TDRD9: variants seen among roughly 807,000 people sequenced by gnomAD.
The protein encoded by TDRD9 is tudor domain containing 9.
A neutral mutation model predicts 172.6 loss-of-function variants in TDRD9; 124 were observed. That is an observed-to-expected ratio of 0.72 (90% CI 0.62 to 0.83). The LOEUF is 0.83. Among genes scored for constraint, TDRD9 ranks in the 40% least tolerant of loss-of-function variants. The pLI, the probability that TDRD9 is intolerant of heterozygous loss-of-function variation, is 0.00. For missense variants in TDRD9, 1,479 were observed against 1,714.1 expected, an observed-to-expected ratio of 0.86 and a Z score of 2.42; for synonymous variants, 619 against 617.1, an observed-to-expected ratio of 1.00 and a Z score of -0.05.
chr14:104,029,836 G>C (rs1207571741), intron 28 of TDRD9, among the ~76,000 whole-genome samples: 2 of 152,112 alleles, frequency 1.3e-5, no homozygotes, highest in Non-Finnish European at 2.9e-5. Flanking sequence ...TTCTTGCGTT[G>C]AGATATGTTC....
chr14:104,046,930 G>A (rs2035798425), intron 34 of TDRD9, among the ~76,000 whole-genome samples: 1 of 152,202 alleles, frequency 6.6e-6, no homozygotes, highest in Non-Finnish European at 1.5e-5. Flanking sequence ...ACAGGCGTGA[G>A]CCACCGCACC....
chr14:103,956,102 AAAAAAAAAAATAT>A (rs2032194258), intron 2 of TDRD9, among the ~76,000 whole-genome samples: 2 of 57,270 alleles, frequency 3.5e-5, no homozygotes, highest in Non-Finnish European at 6.2e-5. Context: ...AAAAAAAAAA[AAAAAAAAAAATAT>A]ATATATATAT....
intron 1 of TDRD9, among the ~76,000 whole-genome samples, chr14:103,934,693 A>G (rs1386186816): frequency 6.6e-6 from 1 of 152,178 alleles, no homozygotes; most frequent in East Asian, 1.9e-4. Flanking sequence ...GAGGCAGGAG[A>G]ATGGTGTGAA....
intron 23 of TDRD9, 93 bp downstream of exon 23, chr14:104,018,285 G>GA (rs1181367351): frequency 2.5e-6 from 2 of 788,808 alleles, no homozygotes; most frequent in Non-Finnish European, 4.1e-6. Flanking sequence ...AGTGCCCATG[G>GA]AAATGGGTCC....
chr14:103,936,300 C>T (rs1462882684), intron 1 of TDRD9, among the ~76,000 whole-genome samples: 1 of 152,272 alleles, frequency 6.6e-6, no homozygotes, highest in Admixed American at 6.5e-5. Flanking sequence ...CTATGTTACC[C>T]AGGCTGGTCT....
At chr14:104,020,406 GA>G (rs778978981) in intron 23 of TDRD9, among the ~76,000 whole-genome samples, 22 of 152,192 alleles carry the variant, frequency 1.4e-4, no homozygotes, top group Non-Finnish European at 2.8e-4. Context: ...GGGGGGCAAA[GA>G]AGTGAGAGGA....
In TDRD9 at chr14:104,049,678, C is replaced by T. The variant is rs1000239509; in HGVS notation, c.4045C>T (p.Gln1349Ter). ...KWHEKPYEWN[Q>*]VDPKLVMEQA... ...GCATGAAAAGCCCTACGAGTGGAAT[C>T]AGGTGAGTGGGACGCAGGCTGCTAC... The change falls in exon 35 of 36, where the codon CAG (glutamine) becomes TAG (stop). Residue 1349 changes from glutamine (Q) to a stop codon, truncating the protein, a stop_gained and splice_region_variant. Coordinates refer to ENST00000409874, the MANE Select transcript of TDRD9 (RefSeq NM_153046.3). LOFTEE classifies it high-confidence loss of function. 4.4e-6 allele frequency: 7 copies of T among 1,581,532 alleles called. No individual in the cohort carries two copies. Among genetic ancestry groups the T allele is most frequent in the Non-Finnish European group, 6.0e-6 (7 of 1,163,978 alleles).
At chr14:104,049,484 T>C in intron 34 of TDRD9, 124 bp from the exon 35 acceptor site, 1 of 723,974 alleles carries the variant, frequency 1.4e-6, no homozygotes, top group Non-Finnish European at 2.2e-6. Context: ...TGTTGACCTT[T>C]AAACAGTTTA....
At chr14:104,007,114 A>AGT (rs1290946067) in intron 18 of TDRD9, 46 bp from the exon 19 acceptor site, 1 of 1,555,302 alleles carries the variant, frequency 6.4e-7, no homozygotes, top group Non-Finnish European at 8.7e-7. Context: ...AAAAAAATTC[A>AGT]GTGAGCCAAC....
chr14:103,953,805 C>T (rs1187999596), intron 1 of TDRD9, among the ~76,000 whole-genome samples: 1 of 152,104 alleles, frequency 6.6e-6, no homozygotes, highest in African/African-American at 2.4e-5. Context: ...AGAGTATTTA[C>T]CCTTCCTTAT....
chr14:104,012,497 G>A (rs959295506), intron 20 of TDRD9, among the ~76,000 whole-genome samples: 1 of 148,610 alleles, frequency 6.7e-6, no homozygotes, highest in African/African-American at 2.5e-5. Context: ...GAGTAGGTGT[G>A]GGATTCTAAA....
chr14:103,975,604 A>T (rs1392772113), intron 7 of TDRD9, 51 bp downstream of exon 7: 4 of 1,514,026 alleles, frequency 2.6e-6, no homozygotes, highest in Non-Finnish European at 3.6e-6. Context: ...CTTGTATTGG[A>T]TCAAACCTGC....
chr14:104,000,702 T>C (rs1453257551), intron 13 of TDRD9, among the ~76,000 whole-genome samples: 2 of 152,138 alleles, frequency 1.3e-5, no homozygotes, highest in African/African-American at 4.8e-5. Context: ...CGAGAATTGC[T>C]TGAACCTGGG....
In TDRD9 at chr14:103,928,488, T is replaced by A; in HGVS notation, c.-22T>A. Reference sequence around the variant, plus strand: ...CCGCGGAGACCCGGCAGTTGGGGGATGCCGACGCCTGGGCCTTGAGGATGC... The same window carrying A: ...CCGCGGAGACCCGGCAGTTGGGGGAAGCCGACGCCTGGGCCTTGAGGATGC... On this transcript the variant is annotated 5_prime_UTR_variant, in exon 1 of 36. The change abolishes an upstream ATG in the 5' untranslated region. Transcript: ENST00000409874. The A allele has an allele frequency of 7.0e-7, 1 of 1,430,484 alleles. No homozygotes were observed. The highest frequency in any genetic ancestry group is 9.2e-7 in the Non-Finnish European group (1 of 1,082,534). The allele number at this position is 1,430,484 out of a possible 1,614,324, so 88.6% of individuals were successfully genotyped here.
intron 7 of TDRD9, among the ~76,000 whole-genome samples, chr14:103,984,536 C>G (rs1343347058): frequency 6.6e-6 from 1 of 152,198 alleles, no homozygotes; most frequent in Non-Finnish European, 1.5e-5. Context: ...CCTGTGGGTG[C>G]ACAGAAGTCA....
chr14:103,979,628 A>G (rs1280623246), intron 7 of TDRD9, among the ~76,000 whole-genome samples: 3 of 152,182 alleles, frequency 2.0e-5, no homozygotes, highest in Non-Finnish European at 4.4e-5. Flanking sequence ...CACACCTGCT[A>G]TTAGGCCCCA....
chr14:103,993,252 C>A (rs1466301699), intron 9 of TDRD9, among the ~76,000 whole-genome samples: 2 of 152,138 alleles, frequency 1.3e-5, no homozygotes, highest in Non-Finnish European at 2.9e-5. Flanking sequence ...CTCAGCCTCC[C>A]AAAGTGTTGG....
intron 28 of TDRD9, among the ~76,000 whole-genome samples, chr14:104,027,884 C>A (rs1009445200): frequency 6.6e-6 from 1 of 152,142 alleles, no homozygotes; most frequent in Non-Finnish European, 1.5e-5. Context: ...TACCCACAAT[C>A]CTCCTCTCTA....
At chr14:103,994,681 C>T in intron 11 of TDRD9, 78 bp downstream of exon 11, 1 of 1,238,730 alleles carries the variant, frequency 8.1e-7, no homozygotes, top group Non-Finnish European at 1.2e-6. Context: ...AAAATATTTT[C>T]TGGGTGTCGT....
Sources: gnomAD v4.1 joint callset for allele counts (sites outside exome capture counted in the v4.1 genomes callset) on GRCh38, gnomAD v4.1.1 for gene constraint, MANE v1.5 for transcripts, NCBI Gene and HGNC (gene_info 2026-07-23, HGNC 2026-07-21) for gene names.